The following NCKAP5 variants were observed in gnomAD, a reference collection of about 807,000 sequenced individuals.
The protein encoded by NCKAP5 is nck-associated protein 5.
A neutral mutation model predicts 167.0 loss-of-function variants in NCKAP5; 92 were observed. The observed-to-expected ratio is 0.55, with a 90% confidence interval of 0.47 to 0.66. NCKAP5 has a LOEUF of 0.66. Ranked by LOEUF, NCKAP5 falls within the 30% of genes least tolerant of loss-of-function variation. The pLI, the probability that NCKAP5 is intolerant of heterozygous loss-of-function variation, is 0.00. For missense variants in NCKAP5, 2,378 were observed against 2,315.0 expected (o/e 1.03, Z -0.56); for synonymous variants, 891 against 877.4 (o/e 1.02, Z -0.27).
At chr2:133,383,246 T>G (rs938240771) in intron 3 of NCKAP5, among the ~76,000 whole-genome samples, 4 of 152,086 alleles carry the variant, frequency 2.6e-5, no homozygotes, top group Non-Finnish European at 4.4e-5. Context: ...CCCTGGTGTG[T>G]GATGTTCCCC....
intron 2 of NCKAP5, among the ~76,000 whole-genome samples, chr2:133,524,894 T>C (rs1012736560): frequency 3.3e-5 from 5 of 152,154 alleles, no homozygotes; most frequent in African/African-American, 1.2e-4. Flanking sequence ...TGTATGTGTG[T>C]ATGTGTTGAG....
chr2:133,351,281 T>C (rs2150816691), intron 3 of NCKAP5, among the ~76,000 whole-genome samples: 1 of 152,236 alleles, frequency 6.6e-6, no homozygotes, highest in East Asian at 1.9e-4. Context: ...GGTACCCCTA[T>C]GGCCCATTTA....
At chr2:132,814,079 A>T (rs1255771101) in intron 11 of NCKAP5, among the ~76,000 whole-genome samples, 1 of 152,236 alleles carries the variant, frequency 6.6e-6, no homozygotes, top group South Asian at 2.1e-4. Flanking sequence ...GTGAAGATGT[A>T]TTACATAAAT....
At chr2:132,753,744 C>T (rs1234303061) in intron 16 of NCKAP5, among the ~76,000 whole-genome samples, 1 of 152,174 alleles carries the variant, frequency 6.6e-6, no homozygotes, top group African/African-American at 2.4e-5. Context: ...TGAGGTAGCC[C>T]ATTTCTAGAC....
intron 3 of NCKAP5, among the ~76,000 whole-genome samples, chr2:133,468,487 G>C (rs1034777567): frequency 7.3e-5 from 11 of 151,560 alleles, no homozygotes; most frequent in Non-Finnish European, 1.3e-4. Flanking sequence ...TGTATATTCT[G>C]TTGATTTGGG....
At position 133,130,709 on chromosome 2, in the gene NCKAP5, TGAAAGAGGAACTGGATGACACA is replaced by T. The variant is rs2082570541; in HGVS notation, c.208-620_208-599del. Among the ~76,000 whole-genome samples the T allele has an allele frequency of 3.9e-5, 6 of 152,194 alleles. No homozygotes were observed. The South Asian group carries it at 1.0e-3, about 26-fold the overall frequency. ...CATCTCACGAACGGGTATCAGGGAC[TGAAAGAGGAACTGGATGACACA>T]GAATAGACGGTTCAGCAGAAACTCA... On this transcript the variant is annotated intron_variant, in intron 5 of 19. Coordinates refer to ENST00000409261, the MANE Select transcript of NCKAP5 (RefSeq NM_207363.3).
At chr2:133,061,960 T>C (rs1003064953) in intron 6 of NCKAP5, among the ~76,000 whole-genome samples, 7 of 151,618 alleles carry the variant, frequency 4.6e-5, no homozygotes, top group Non-Finnish European at 1.0e-4. Flanking sequence ...TAAGTTCAAA[T>C]GAAAAAAAAA....
chr2:133,264,523 G>A (rs956547752), intron 4 of NCKAP5, among the ~76,000 whole-genome samples: 6 of 152,156 alleles, frequency 3.9e-5, no homozygotes, highest in Non-Finnish European at 8.8e-5. Context: ...CTACAATGGT[G>A]CCCAACATAT....
At chr2:133,646,664 T>C in the NCKAP5 span, among the ~76,000 whole-genome samples, 1 of 152,234 alleles carries the variant, frequency 6.6e-6, no homozygotes, top group Admixed American at 6.5e-5. Flanking sequence ...ATGGAACTCA[T>C]GAGTAAAGGT....
At chr2:132,719,793 A>T (rs2105379472) in intron 19 of NCKAP5, among the ~76,000 whole-genome samples, 1 of 152,336 alleles carries the variant, frequency 6.6e-6, no homozygotes, top group South Asian at 2.1e-4. Context: ...GGGAGAGTCC[A>T]GGGCGACTCC....
At chr2:133,619,240 G>A in the NCKAP5 span, among the ~76,000 whole-genome samples, 1 of 148,928 alleles carries the variant, frequency 6.7e-6, no homozygotes, top group African/African-American at 2.5e-5. Context: ...CACCAGCATG[G>A]TACATGTATA....
chr2:133,029,185 C>A (rs950204392), intron 6 of NCKAP5, among the ~76,000 whole-genome samples: 2 of 152,162 alleles, frequency 1.3e-5, no homozygotes, highest in East Asian at 3.8e-4. Flanking sequence ...GAGTGACTCT[C>A]CCATACATTT....
chr2:133,448,726 A>AC (rs1195266174), intron 3 of NCKAP5, among the ~76,000 whole-genome samples: 4 of 151,972 alleles, frequency 2.6e-5, no homozygotes, highest in South Asian at 4.2e-4. Context: ...TACAGCCTTG[A>AC]CCCCCCAGGC....
intron 2 of NCKAP5, among the ~76,000 whole-genome samples, chr2:133,526,200 GAAGGAAGGAAGGAAGGAAGGAAGGAAGA>G (rs1278056835): frequency 5.9e-5 from 8 of 134,900 alleles, no homozygotes; most frequent in African/African-American, 2.4e-4. Context: ...AGGAAGGAAG[GAAGGAAGGAAGGAAGGAAGGAAGGAAGA>G]AAGGAAAGGA....
intron 19 of NCKAP5, among the ~76,000 whole-genome samples, chr2:132,707,169 G>A (rs1283401538): frequency 6.6e-6 from 1 of 152,212 alleles, no homozygotes; most frequent in East Asian, 1.9e-4. Context: ...CCCATCCCCT[G>A]GCAGGTGCGT....
rs561354344 is a variant in NCKAP5, at chr2:132,789,908, T to C, written c.1092+115A>G. On this transcript the variant is annotated intron_variant, in intron 13 of 19. Coordinates refer to ENST00000409261, the MANE Select transcript of NCKAP5 (RefSeq NM_207363.3). ...GATGTCAGTATAATACATGAGCAGG[T>C]GCTCAGCAAATGGTGGCTTCCTTCT... is the stretch of plus-strand genomic sequence containing the variant. 1.6e-4 allele frequency: 147 copies of C among 901,044 alleles called. 1 individual carries two copies. In the African/African-American group the frequency reaches 2.3e-3, roughly 14 times the overall value. The allele number at this position is 901,044 out of a possible 1,614,324, so 55.8% of individuals were successfully genotyped here.
At position 132,673,186 on chromosome 2, in the gene NCKAP5, G is replaced by A; in HGVS notation, c.*103C>T. On this transcript the variant is annotated 3_prime_UTR_variant, in exon 20 of 20. Coordinates refer to ENST00000409261, the MANE Select transcript of NCKAP5 (RefSeq NM_207363.3). ...TCTGTCCTTCAACCTTGTTCAGAGA[G>A]TTCTTCTCTTTTTCTAATAAAATCA... 1.4e-6 allele frequency: 2 copies of A among 1,411,208 alleles called. No homozygotes were observed. Among genetic ancestry groups the A allele is most frequent in the South Asian group, 1.6e-5 (1 of 60,690 alleles). The allele number at this position is 1,411,208 out of a possible 1,614,324, so 87.4% of individuals were successfully genotyped here.
chr2:133,627,076 A>G, the NCKAP5 span, among the ~76,000 whole-genome samples: 8 of 152,066 alleles, frequency 5.3e-5, no homozygotes, highest in Non-Finnish European at 8.8e-5. Context: ...TAAATCACAC[A>G]TTGGCCATAA....
At chr2:132,748,534 T>C (rs1679838230) in intron 16 of NCKAP5, among the ~76,000 whole-genome samples, 1 of 152,174 alleles carries the variant, frequency 6.6e-6, no homozygotes, top group East Asian at 1.9e-4. Context: ...TAGAGAACAT[T>C]ATCTCTTAGG....
Sources: allele counts gnomAD v4.1 joint callset (sites outside exome capture counted in the v4.1 genomes callset), GRCh38; gene constraint gnomAD v4.1.1; transcripts MANE v1.5; gene names NCBI Gene and HGNC (gene_info 2026-07-23, HGNC 2026-07-21).